STK3: variants seen among roughly 807,000 people sequenced by gnomAD.
STK3 encodes the protein serine/threonine-protein kinase 3.
STK3 carries 41 observed loss-of-function variants against 58.0 expected under a neutral mutation model. That is an observed-to-expected ratio of 0.71 (90% CI 0.55 to 0.92). STK3 has a LOEUF of 0.92. Ranked by LOEUF, STK3 falls within the 40% of genes least tolerant of loss-of-function variation. The pLI is 0.00. For missense variants in STK3, 479 were observed against 602.7 expected, an observed-to-expected ratio of 0.79 and a Z score of 2.15; for synonymous variants, 170 against 191.0, an observed-to-expected ratio of 0.89 and a Z score of 0.91.
At chr8:98,690,806 G>A (rs540119244) in intron 6 of STK3, among the ~76,000 whole-genome samples, 8 of 152,038 alleles carry the variant, frequency 5.3e-5, no homozygotes, top group Non-Finnish European at 1.2e-4. Context: ...TATACTACAT[G>A]GTACTGTAAC....
At chr8:98,501,222 C>G (rs1446108475) in intron 10 of STK3, among the ~76,000 whole-genome samples, 1 of 151,826 alleles carries the variant, frequency 6.6e-6, no homozygotes. Flanking sequence ...TGAGAAGTGT[C>G]TGTTCATATC....
Position 98,558,395 on chromosome 8 carries a change from C to G in STK3, c.949-10234G>C, listed in dbSNP as rs558917881. Among the ~76,000 whole-genome samples, 5 of 152,180 alleles carry G rather than the reference C, an allele frequency of 3.3e-5. No homozygotes were observed. The South Asian group carries it at 1.0e-3, about 32-fold the overall frequency. On this transcript the variant is annotated intron_variant, in intron 8 of 10. Coordinates refer to ENST00000419617, the MANE Select transcript of STK3 (RefSeq NM_006281.4). ...TATTTAAAAATACTGTAACCACTGT[C>G]ATGTTGATACCTTTATATAAGCAAT... is the stretch of plus-strand genomic sequence containing the variant.
At chr8:98,568,636 G>A (rs1448418199) in intron 8 of STK3, among the ~76,000 whole-genome samples, 1 of 152,078 alleles carries the variant, frequency 6.6e-6, no homozygotes, top group African/African-American at 2.4e-5. Context: ...CAGACACAAG[G>A]CAGGGAGCAA....
intron 10 of STK3, among the ~76,000 whole-genome samples, chr8:98,503,642 C>T (rs1823807382): frequency 6.6e-6 from 1 of 152,282 alleles, no homozygotes; most frequent in East Asian, 1.9e-4. Flanking sequence ...TTTATTTCTG[C>T]CTTCATTTCG....
chr8:98,805,394 G>A (rs896233984), intron 1 of STK3, among the ~76,000 whole-genome samples: 48 of 152,210 alleles, frequency 3.2e-4, no homozygotes, highest in Admixed American at 3.1e-3. Context: ...GGCCAAAATG[G>A]TGAAACCCCG....
the STK3 span, among the ~76,000 whole-genome samples, chr8:98,355,112 A>G: frequency 1.3e-5 from 2 of 152,212 alleles, no homozygotes; most frequent in South Asian, 2.1e-4. Context: ...GGAATCTTCC[A>G]GACTCTCAAT....
chr8:98,765,923 C>G (rs565846109), intron 3 of STK3, among the ~76,000 whole-genome samples: 189 of 152,328 alleles, frequency 1.2e-3, no homozygotes, highest in Non-Finnish European at 1.7e-3. Context: ...TCACCATCAG[C>G]TCCATTTAAC....
intron 1 of STK3, chr8:98,904,550 T>C: frequency 2.0e-6 from 1 of 502,914 alleles, no homozygotes; most frequent in Non-Finnish European, 3.9e-6. Flanking sequence ...TTCTCATATA[T>C]GCCCGCAGCC....
intron 10 of STK3, among the ~76,000 whole-genome samples, chr8:98,493,728 A>G (rs1047447563): frequency 1.3e-5 from 2 of 152,214 alleles, no homozygotes; most frequent in Non-Finnish European, 2.9e-5. Flanking sequence ...GTGGAACTCC[A>G]ATTCTGGTTA....
rs530127452 is a variant in STK3 at position 98,507,967 on chromosome 8, T to C, written c.1317+18775A>G. 2.0e-5 allele frequency among the ~76,000 whole-genome samples: 3 copies of C among 152,340 alleles called. No individual in the cohort carries two copies. The South Asian group carries it at 6.2e-4, about 32-fold the overall frequency. On this transcript the variant is annotated intron_variant, in intron 10 of 10. Coordinates refer to ENST00000419617, the MANE Select transcript of STK3 (RefSeq NM_006281.4). Reference sequence around the variant, plus strand: ...GCCTCATTACCTTACGTGGTTCTTTTTTCTCTCCAAAGTACTTATCGTCTT... The same window carrying C: ...GCCTCATTACCTTACGTGGTTCTTTCTTCTCTCCAAAGTACTTATCGTCTT...
rs369281235 is a variant in STK3, at chr8:98,899,758, G to T, written c.-78-15924C>A. Among the ~76,000 whole-genome samples, 59 of 152,182 alleles carry T rather than the reference G, an allele frequency of 3.9e-4. 1 individual carries two copies. The East Asian group carries it at 0.01, about 27-fold the overall frequency. On this transcript the variant is annotated intron_variant, in intron 1 of 1. Transcript: ENST00000519420. ...AGAACCCTGGGAGGTAAAAATTATT[G>T]GGTCTCTGAGATAGTAACCTTCCCA...
At chr8:98,659,684 T>TC (rs1415809894) in intron 6 of STK3, among the ~76,000 whole-genome samples, 1 of 151,880 alleles carries the variant, frequency 6.6e-6, no homozygotes, top group East Asian at 1.9e-4. Flanking sequence ...ACTAGCAAAC[T>TC]CCAAGTTTTC....
In STK3 at chr8:98,923,963, A is replaced by G. The variant is rs573903253; in HGVS notation, c.-79+18415T>C. Among the ~76,000 whole-genome samples the G allele has an allele frequency of 7.0e-3, 1,067 of 151,506 alleles. 10 individuals carry two copies. Among genetic ancestry groups the G allele is most frequent in the Non-Finnish European group, 0.012 (790 of 67,848 alleles). On this transcript the variant is annotated intron_variant, in intron 1 of 1. Transcript: ENST00000519420. ...TCTTTTTATTTTTTTCCCCCTGTGG[A>G]ATTTGTTTAGATTCATGATATTAAA... is the stretch of plus-strand genomic sequence containing the variant.
chr8:98,671,990 T>C (rs146448585), intron 6 of STK3, among the ~76,000 whole-genome samples: 1,638 of 152,316 alleles, frequency 0.011, 10 homozygotes, highest in Non-Finnish European at 0.017. Flanking sequence ...TGCCACCCTG[T>C]GAAGAGGTGC....
intron 6 of STK3, among the ~76,000 whole-genome samples, chr8:98,658,842 TAAA>T (rs1384039385): frequency 5.9e-5 from 9 of 152,062 alleles, no homozygotes; most frequent in Non-Finnish European, 8.8e-5. Flanking sequence ...GTCACAGAGT[TAAA>T]AAATGGGTCA....
intron 6 of STK3, among the ~76,000 whole-genome samples, chr8:98,702,409 T>G (rs1464053385): frequency 2.0e-5 from 3 of 152,218 alleles, no homozygotes; most frequent in African/African-American, 7.2e-5. Flanking sequence ...GTTCTTCGTA[T>G]CCCTCAGACT....
intron 7 of STK3, 173 bp downstream of exon 7, chr8:98,595,859 T>G (rs1054221009): frequency 5.1e-6 from 3 of 591,714 alleles, no homozygotes; most frequent in Non-Finnish European, 7.9e-6. Flanking sequence ...AAAATGACTC[T>G]GGGGGAAATG....
At chr8:98,498,772 C>T (rs540733434) in intron 10 of STK3, among the ~76,000 whole-genome samples, 1 of 152,136 alleles carries the variant, frequency 6.6e-6, no homozygotes, top group South Asian at 2.1e-4. Context: ...TTTCCTACTT[C>T]GCTGATTTGT....
intron 4 of STK3, among the ~76,000 whole-genome samples, chr8:98,714,160 C>T (rs910550458): frequency 1.3e-5 from 2 of 152,134 alleles, no homozygotes; most frequent in Admixed American, 6.5e-5. Context: ...ATGACAAACC[C>T]ACAGCCAGTA....
Sources: allele counts gnomAD v4.1 joint callset (sites outside exome capture counted in the v4.1 genomes callset), GRCh38; gene constraint gnomAD v4.1.1; transcripts MANE v1.5; gene names NCBI Gene and HGNC (gene_info 2026-07-23, HGNC 2026-07-21).